Variants in FLVCR1 observed in about 807,000 individuals in gnomAD.
The protein encoded by FLVCR1 is choline/ethanolamine transporter FLVCR1.
A neutral mutation model predicts 53.6 loss-of-function variants in FLVCR1; 34 were observed. The observed-to-expected ratio is 0.63, with a 90% confidence interval of 0.48 to 0.84. The LOEUF is 0.84. FLVCR1 is among the 40% of genes least tolerant of loss of function. The pLI is 0.00. For synonymous variants in FLVCR1, 300 were observed against 286.3 expected (o/e 1.05, Z -0.48); for missense variants, 677 against 696.7 (o/e 0.97, Z 0.32).
At chr1:212,886,584 G>C (rs1665071777) in intron 5 of FLVCR1, among the ~76,000 whole-genome samples, 1 of 152,060 alleles carries the variant, frequency 6.6e-6, no homozygotes, top group Non-Finnish European at 1.5e-5. Flanking sequence ...TAGATTGCTT[G>C]AGGCCAGGAG....
At position 212,897,897 on chromosome 1, in the gene FLVCR1, A is replaced by G. The variant is rs768759838; in HGVS notation, c.*2607A>G. The G allele has an allele frequency of 3.9e-5, 6 of 152,212 alleles. No homozygotes were observed. The highest frequency in any genetic ancestry group is 1.4e-4 in the African/African-American group (6 of 41,452). 9.4% of individuals were successfully genotyped at this position (152,212 alleles called of 1,614,324 possible). A position where few individuals can be genotyped will look rare whatever the true frequency, so the allele number is the denominator to read the frequency against. On this transcript the variant is annotated 3_prime_UTR_variant, in exon 10 of 10. Coordinates refer to ENST00000366971, the MANE Select transcript of FLVCR1 (RefSeq NM_014053.4). ...GATTGGAGGGACAAGTATCCCAACTATATCAGGCAGAATATATGCATTGAT... is the reference window on the plus strand; with the variant it reads ...GATTGGAGGGACAAGTATCCCAACTGTATCAGGCAGAATATATGCATTGAT...
In FLVCR1 at chr1:212,896,055, G is replaced by T. The variant is rs1195631393; in HGVS notation, c.*765G>T. The T allele has an allele frequency of 1.3e-5, 2 of 151,964 alleles. No homozygotes were observed. The highest frequency in any genetic ancestry group is 3.9e-4 in the East Asian group (2 of 5,184). 9.4% of individuals were successfully genotyped at this position (151,964 alleles called of 1,614,324 possible). A position where few individuals can be genotyped will look rare whatever the true frequency, so the allele number is the denominator to read the frequency against. On this transcript the variant is annotated 3_prime_UTR_variant, in exon 10 of 10. Transcript: ENST00000366971. ...TGCTGCCTTTCTATCATGGATAAATGCTAACGCTGTATTTTTTCACTCCAA... is the reference window on the plus strand; with the variant it reads ...TGCTGCCTTTCTATCATGGATAAATTCTAACGCTGTATTTTTTCACTCCAA...
rs994628221 is a variant in FLVCR1 at position 212,858,638 on chromosome 1, A to G, written c.186A>G (p.Gly62=). 1.0e-5 allele frequency: 16 copies of G among 1,536,832 alleles called. No individual in the cohort carries two copies. In the African/African-American group the frequency reaches 1.5e-4, roughly 15 times the overall value. Residue 62 remains glycine, a synonymous_variant, in exon 1 of 10, where the codon GGA becomes GGG. Coordinates refer to ENST00000366971, the MANE Select transcript of FLVCR1 (RefSeq NM_014053.4). ...GGGACAGCCTCGCTGCCGCCTCGGG[A>G]GTTCTGGGCGGGCCTCAGACTCCAC... The part of the protein sequence containing the change: ...APRDSLAAAS[G]VLGGPQTPLA...
At chr1:212,860,484 G>A (rs1664199882) in intron 1 of FLVCR1, among the ~76,000 whole-genome samples, 1 of 150,804 alleles carries the variant, frequency 6.6e-6, no homozygotes, top group Non-Finnish European at 1.5e-5. Context: ...CACCACGCCC[G>A]GCCATGATTA....
intron 5 of FLVCR1, among the ~76,000 whole-genome samples, chr1:212,886,544 A>G (rs1665070258): frequency 6.6e-6 from 1 of 152,194 alleles, no homozygotes; most frequent in African/African-American, 2.4e-5. Context: ...TTATGCCTGT[A>G]ATCCCAGCAT....
intron 2 of FLVCR1, 115 bp downstream of exon 2, chr1:212,863,984 C>T: frequency 1.2e-6 from 1 of 829,416 alleles, no homozygotes; most frequent in Admixed American, 2.0e-5. Context: ...TTGTTTCATT[C>T]TTCCATGCCC....
At chr1:212,873,688 C>G (rs561233646) in intron 3 of FLVCR1, among the ~76,000 whole-genome samples, 1 of 152,326 alleles carries the variant, frequency 6.6e-6, no homozygotes, top group South Asian at 2.1e-4. Context: ...TGTGTTAACA[C>G]CATTTACATG....
At chr1:212,888,065 T>G in intron 6 of FLVCR1, 64 bp downstream of exon 6, 1 of 984,108 alleles carries the variant, frequency 1.0e-6, no homozygotes, top group Non-Finnish European at 1.6e-6. Context: ...GTATTATTAC[T>G]CTGGTCTTTA....
intron 1 of FLVCR1, among the ~76,000 whole-genome samples, chr1:212,860,548 G>C (rs917642289): frequency 1.3e-5 from 2 of 151,596 alleles, no homozygotes; most frequent in Non-Finnish European, 2.9e-5. Flanking sequence ...ATATTCAGTA[G>C]CATTTCTTGA....
At chr1:212,874,526 CTTTTTT>C (rs61497441) in intron 3 of FLVCR1, among the ~76,000 whole-genome samples, 16 of 120,860 alleles carry the variant, frequency 1.3e-4, no homozygotes, top group South Asian at 5.1e-4. Flanking sequence ...TTCTTTTTTT[CTTTTTT>C]TTTTTTTTTT....
rs1450209898 is a variant in FLVCR1, at chr1:212,858,777, G to T, written c.325G>T (p.Val109Leu). The change falls in exon 1 of 10, where the codon GTG becomes TTG. Residue 109 changes from valine (V) to leucine (L), a missense_variant. Coordinates refer to ENST00000366971, the MANE Select transcript of FLVCR1 (RefSeq NM_014053.4). ...PLTALSPRRFVVLLIFSLYSL... is the reference protein window; with the variant it reads ...PLTALSPRRFLVLLIFSLYSL... ...TACGGCGCTCTCCCCGCGGCGCTTCGTGGTGCTCCTGATCTTCAGCCTGTA... is the reference window on the plus strand; with the variant it reads ...TACGGCGCTCTCCCCGCGGCGCTTCTTGGTGCTCCTGATCTTCAGCCTGTA... 6.2e-7 allele frequency: 1 copy of T among 1,614,118 alleles called. No individual in the cohort carries two copies. The highest frequency in any genetic ancestry group is 8.5e-7 in the Non-Finnish European group (1 of 1,180,020).
At chr1:212,869,583 G>A (rs565233098) in intron 2 of FLVCR1, among the ~76,000 whole-genome samples, 5 of 152,154 alleles carry the variant, frequency 3.3e-5, no homozygotes, top group Admixed American at 2.6e-4. Context: ...TCACTCTGTC[G>A]CCCAGGCTGG....
At position 212,863,791 on chromosome 1, in the gene FLVCR1, C is replaced by T; in HGVS notation, c.805C>T (p.Leu269Phe). ...LVPNTQNDTN[L>F]LACNISTMFY... ...ACCCAACACACAGAATGACACAAAT[C>T]TCCTGGCTTGTAATATCAGCACCAT... Residue 269 changes from leucine to phenylalanine, a missense_variant, in exon 2 of 10, where the codon CTC becomes TTC. Coordinates refer to ENST00000366971, the MANE Select transcript of FLVCR1 (RefSeq NM_014053.4). 1 of 1,613,822 alleles carries T rather than the reference C, an allele frequency of 6.2e-7. No homozygotes were observed. Among genetic ancestry groups the T allele is most frequent in the Non-Finnish European group, 8.5e-7 (1 of 1,179,732 alleles).
intron 8 of FLVCR1, among the ~76,000 whole-genome samples, chr1:212,891,386 G>A (rs1373924967): frequency 4.0e-5 from 6 of 151,626 alleles, no homozygotes; most frequent in African/African-American, 1.5e-4. Context: ...GGAGGTTGCA[G>A]TGAGTGGTGA....
chr1:212,872,725 C>A lies in FLVCR1; in HGVS notation c.931C>A (p.Leu311Ile), dbSNP rs772267199. Residue 311 changes from leucine (L) to isoleucine (I), a missense_variant, in exon 3 of 10, where the codon CTT becomes ATT. Coordinates refer to ENST00000366971, the MANE Select transcript of FLVCR1 (RefSeq NM_014053.4). ...TCCACCAAGTCAGGCTCAAGCAGCT[C>A]TTCAAGACAGTCCCCCTGAAGAGTA... ...RYPPSQAQAALQDSPPEEYSY... is the reference protein window; with the variant it reads ...RYPPSQAQAAIQDSPPEEYSY... 6.2e-7 allele frequency: 1 copy of A among 1,613,834 alleles called. No homozygotes were observed. The highest frequency in any genetic ancestry group is 1.1e-5 in the South Asian group (1 of 91,064).
chr1:212,879,577 GT>G (rs1664866335), intron 3 of FLVCR1, among the ~76,000 whole-genome samples: 2 of 152,134 alleles, frequency 1.3e-5, no homozygotes, highest in South Asian at 4.1e-4. Context: ...ATAAATAGAT[GT>G]CTTTATAGAC....
At chr1:212,875,692 T>C (rs982684188) in intron 3 of FLVCR1, among the ~76,000 whole-genome samples, 2 of 151,468 alleles carry the variant, frequency 1.3e-5, no homozygotes, top group East Asian at 3.9e-4. Context: ...ATACAAAAAT[T>C]AGCTGGGCAT....
At chr1:212,885,677 AGTAGCTGG>A in intron 5 of FLVCR1, 1 of 302,896 alleles carries the variant, frequency 3.3e-6, no homozygotes, top group Non-Finnish European at 6.2e-6. Context: ...CAGCCTCCCG[AGTAGCTGG>A]GACTACAGGC....
intron 3 of FLVCR1, among the ~76,000 whole-genome samples, chr1:212,875,851 AAAC>A (rs1572018208): frequency 6.6e-6 from 1 of 150,820 alleles, no homozygotes; most frequent in Non-Finnish European, 1.5e-5. Context: ...AGAAAAAAAA[AAAC>A]AAAAAACTTG....
Sources: gnomAD v4.1 joint callset for allele counts (sites outside exome capture counted in the v4.1 genomes callset) on GRCh38, gnomAD v4.1.1 for gene constraint, MANE v1.5 for transcripts, NCBI Gene and HGNC (gene_info 2026-07-23, HGNC 2026-07-21) for gene names.